WNT3A: variants seen among roughly 807,000 people sequenced by gnomAD.
WNT3A encodes protein Wnt-3a.
Under a neutral mutation model 37.0 loss-of-function variants are expected in WNT3A, and 17 were observed. The ratio of observed to expected loss-of-function variants is 0.46; its 90% confidence interval spans 0.31 to 0.69. The LOEUF (loss-of-function observed/expected upper bound fraction) is 0.69. WNT3A is among the 30% of genes least tolerant of loss of function. The probability of loss-of-function intolerance (pLI) is 0.05; values close to 1 mark genes in which losing one functional copy is unlikely to be tolerated. For synonymous variants in WNT3A, 187 were observed against 211.0 expected (o/e 0.89, Z 0.99); for missense variants, 411 against 510.2 (o/e 0.81, Z 1.87).
At chr1:228,032,052 G>T (rs902207920) in intron 2 of WNT3A, among the ~76,000 whole-genome samples, 1 of 152,172 alleles carries the variant, frequency 6.6e-6, no homozygotes. Context: ...CTACCCTCGG[G>T]AATCTTTAGG....
intron 1 of WNT3A, among the ~76,000 whole-genome samples, chr1:228,009,425 CTT>C (rs1279035405): frequency 1.3e-5 from 2 of 152,200 alleles, no homozygotes; most frequent in Non-Finnish European, 2.9e-5. Flanking sequence ...GATTCTCTCT[CTT>C]TCTCTGGTCT....
intron 2 of WNT3A, among the ~76,000 whole-genome samples, chr1:228,029,227 A>C (rs906107999): frequency 1.3e-5 from 2 of 152,136 alleles, no homozygotes; most frequent in African/African-American, 4.8e-5. Context: ...TTTGTGTCTA[A>C]TTTTTTGGAG....
chr1:228,028,594 G>T (rs2030912950), intron 2 of WNT3A, among the ~76,000 whole-genome samples: 1 of 152,080 alleles, frequency 6.6e-6, no homozygotes, highest in South Asian at 2.1e-4. Flanking sequence ...AAAGTGCTGG[G>T]ATTACAGGCT....
Position 228,042,065 on chromosome 1 carries a change from G to A in WNT3A, c.314-8591G>A, listed in dbSNP as rs796904023. Among the ~76,000 whole-genome samples, 5 of 152,130 alleles carry A rather than the reference G, an allele frequency of 3.3e-5. No homozygotes were observed. Among genetic ancestry groups the A allele is most frequent in the Admixed American group, 6.5e-5 (1 of 15,270 alleles). On this transcript the variant is annotated intron_variant, in intron 2 of 3. Coordinates refer to ENST00000284523, the MANE Select transcript of WNT3A (RefSeq NM_033131.4). This position sits in a 1 kb window ranked among gnomAD's most constrained non-coding sequence, Gnocchi z 5.2. ...GTGACCTCGGCTCACTGCAACCTCC[G>A]CCTCCCGGGTTCAAGCGATTCTCCC...
chr1:228,058,606 G>A (rs1185000016), intron 3 of WNT3A, among the ~76,000 whole-genome samples: 1 of 152,234 alleles, frequency 6.6e-6, no homozygotes, highest in Non-Finnish European at 1.5e-5. Context: ...CAGCGTGCCT[G>A]AGTCCTCAGG....
intron 1 of WNT3A, among the ~76,000 whole-genome samples, chr1:228,010,630 C>T (rs530836495): frequency 1.3e-5 from 2 of 152,354 alleles, no homozygotes; most frequent in East Asian, 3.9e-4. Context: ...CCGTCACCAG[C>T]TCCTGCTGGA....
intron 3 of WNT3A, among the ~76,000 whole-genome samples, chr1:228,054,828 G>C (rs1348112797): frequency 1.3e-5 from 2 of 150,878 alleles, no homozygotes; most frequent in Non-Finnish European, 3.0e-5. Context: ...AAACACAAGT[G>C]TGAACATTGC....
Position 228,042,454 on chromosome 1 carries a change from T to A in WNT3A, c.314-8202T>A, listed in dbSNP as rs1364611127. ...GATGGATGAATGGATGATGGGTGGA[T>A]GATGGATGAATGGTGATGGATGAAT... is the stretch of plus-strand genomic sequence containing the variant. On this transcript the variant is annotated intron_variant, in intron 2 of 3. Transcript: ENST00000284523. This position sits in a 1 kb window ranked among gnomAD's most constrained non-coding sequence, Gnocchi z 5.2. Among the ~76,000 whole-genome samples, 1 of 150,130 alleles carries A rather than the reference T, an allele frequency of 6.7e-6. No individual in the cohort carries two copies. The highest frequency in any genetic ancestry group is 6.6e-5 in the Admixed American group (1 of 15,124).
chr1:228,054,553 A>C lies in WNT3A; in HGVS notation c.579+3632A>C, dbSNP rs576237406. Among the ~76,000 whole-genome samples, 245 of 149,030 alleles carry C rather than the reference A, an allele frequency of 1.6e-3. 1 individual carries two copies. Among genetic ancestry groups the C allele is most frequent in the African/African-American group, 5.9e-3 (237 of 40,342 alleles). ...CGAGGCAGGAGAATGGCGTGAACCC[A>C]GGAGGCGGAGCTTGCAGTGAGCCAA... is the stretch of plus-strand genomic sequence containing the variant. On this transcript the variant is annotated intron_variant, in intron 3 of 3. Coordinates refer to ENST00000284523, the MANE Select transcript of WNT3A (RefSeq NM_033131.4).
intron 2 of WNT3A, among the ~76,000 whole-genome samples, chr1:228,029,975 T>C (rs2030959080): frequency 6.6e-6 from 1 of 152,160 alleles, no homozygotes; most frequent in South Asian, 2.1e-4. Flanking sequence ...GCACAGTGCC[T>C]TGTAGTCCTA....
chr1:228,030,669 C>T (rs1479339409), intron 2 of WNT3A, among the ~76,000 whole-genome samples: 1 of 152,160 alleles, frequency 6.6e-6, no homozygotes, highest in East Asian at 1.9e-4. Context: ...GTCTTCCAGC[C>T]CCACTGGCCT....
rs1271007719 is a variant in WNT3A, at chr1:228,031,152, G to T, written c.313+8244G>T. 6.6e-6 allele frequency among the ~76,000 whole-genome samples: 1 copy of T among 152,236 alleles called. No individual in the cohort carries two copies. The highest frequency in any genetic ancestry group is 1.9e-4 in the East Asian group (1 of 5,182). On this transcript the variant is annotated intron_variant, in intron 2 of 3. Transcript: ENST00000284523. This position sits in a 1 kb window ranked among gnomAD's most constrained non-coding sequence, Gnocchi z 4.8. ...GGGAAGGCACCGTGGGGCAGAGAGT[G>T]GGGACCCGAGGGTCAGGCTCAGAGT...
chr1:228,033,060 T>C (rs2031049234), intron 2 of WNT3A, among the ~76,000 whole-genome samples: 1 of 152,246 alleles, frequency 6.6e-6, no homozygotes, highest in Non-Finnish European at 1.5e-5. Context: ...GAGTGCTTTA[T>C]ATAGTCTGCT....
At chr1:228,022,554 G>A in intron 1 of WNT3A, 113 bp from the exon 2 acceptor site, 1 of 1,305,110 alleles carries the variant, frequency 7.7e-7, no homozygotes, top group South Asian at 1.7e-5. Flanking sequence ...CATGGTGGAA[G>A]CTGCGTCTCG....
chr1:228,023,326 C>CAGACAGAGACACAGAGAG (rs2030772327), intron 2 of WNT3A, among the ~76,000 whole-genome samples: 1 of 151,226 alleles, frequency 6.6e-6, no homozygotes, highest in African/African-American at 2.4e-5. Context: ...AAGATAGAGA[C>CAGACAGAGACACAGAGAG]AGACAGAGAC....
In WNT3A at chr1:228,008,007, C is replaced by T. The variant is rs1475910026; in HGVS notation, c.71+808C>T. Among the ~76,000 whole-genome samples, 2 of 152,180 alleles carry T rather than the reference C, an allele frequency of 1.3e-5. No homozygotes were observed. The highest frequency in any genetic ancestry group is 2.4e-5 in the African/African-American group (1 of 41,434). On this transcript the variant is annotated intron_variant, in intron 1 of 3. Transcript: ENST00000284523. The surrounding 1 kb of genome is among the most constrained non-coding windows in gnomAD (Gnocchi z 4.9). Reference sequence around the variant, plus strand: ...CCTGGCGATGGAAGTGCAGATAAACCAAAGGAAGGGTCCCGAAAGGTCTCT... The same window carrying T: ...CCTGGCGATGGAAGTGCAGATAAACTAAAGGAAGGGTCCCGAAAGGTCTCT...
At chr1:228,015,897 C>T (rs1290369465) in intron 1 of WNT3A, among the ~76,000 whole-genome samples, 2 of 152,132 alleles carry the variant, frequency 1.3e-5, no homozygotes, top group Non-Finnish European at 2.9e-5. Context: ...TGCCTGCTGG[C>T]TGGGGCCACG....
intron 3 of WNT3A, among the ~76,000 whole-genome samples, chr1:228,056,500 A>T (rs1423064476): frequency 1.3e-5 from 2 of 152,206 alleles, no homozygotes; most frequent in Non-Finnish European, 1.5e-5. Context: ...GATAGTTGAG[A>T]TACCCTCCCA....
At chr1:228,040,850 C>A (rs931822688) in intron 2 of WNT3A, among the ~76,000 whole-genome samples, 4 of 147,536 alleles carry the variant, frequency 2.7e-5, no homozygotes, top group African/African-American at 7.6e-5. Context: ...CGCGCCACTG[C>A]ACTCCAGCCT....
Sources: allele counts gnomAD v4.1 joint callset (sites outside exome capture counted in the v4.1 genomes callset), GRCh38; gene constraint gnomAD v4.1.1; non-coding constraint Gnocchi (gnomAD v3.1); transcripts MANE v1.5; gene names NCBI Gene and HGNC (gene_info 2026-07-23, HGNC 2026-07-21).